ZSCAN5C: variants seen among roughly 807,000 people sequenced by gnomAD.
ZSCAN5C encodes zinc finger and SCAN domain containing 5C.
Under a neutral mutation model 17.3 loss-of-function variants are expected in ZSCAN5C, and 11 were observed. The ratio of observed to expected loss-of-function variants is 0.64; its 90% CI spans 0.40 to 1.06. ZSCAN5C has a LOEUF of 1.06. Among genes scored for constraint, ZSCAN5C ranks in the 50% least tolerant of loss-of-function variants. The probability of loss-of-function intolerance (pLI) is 0.00; values close to 1 mark genes in which losing one functional copy is unlikely to be tolerated. For synonymous variants in ZSCAN5C, 229 were observed against 208.4 expected (o/e 1.10, Z -0.85); for missense variants, 698 against 538.9 (o/e 1.30, Z -2.92).
chr19:56,204,760 A>G (rs904966236), intron 1 of ZSCAN5C, among the ~76,000 whole-genome samples: 11 of 151,868 alleles, frequency 7.2e-5, no homozygotes, highest in Admixed American at 4.6e-4. Flanking sequence ...GACTTTTCCC[A>G]AGACCCTCCT....
At chr19:56,203,496 A>G (rs1326604239) in intron 1 of ZSCAN5C, among the ~76,000 whole-genome samples, 2 of 151,786 alleles carry the variant, frequency 1.3e-5, no homozygotes, top group Non-Finnish European at 2.9e-5. Context: ...CATTGTTATG[A>G]ACTGAAGTCA....
chr19:56,203,640 A>ATTTTTTTTTTTTTT (rs564406569), intron 1 of ZSCAN5C, among the ~76,000 whole-genome samples: 1 of 86,816 alleles, frequency 1.2e-5, no homozygotes, highest in Non-Finnish European at 2.1e-5. Context: ...TCTACTGGGA[A>ATTTTTTTTTTTTTT]TTTTTTTTTT....
chr19:56,207,311 G>T (rs2032934388), intron 3 of ZSCAN5C, 49 bp downstream of exon 3: 1 of 719,384 alleles, frequency 1.4e-6, no homozygotes, highest in Non-Finnish European at 2.6e-6. Context: ...AGAAGGAACG[G>T]GAGGAAATCG....
intron 3 of ZSCAN5C, 47 bp downstream of exon 3, chr19:56,207,309 C>G (rs745404541): frequency 5.5e-6 from 4 of 726,018 alleles, no homozygotes; most frequent in Non-Finnish European, 1.0e-5. Flanking sequence ...GGAGAAGGAA[C>G]GGGAGGAAAT....
At chr19:56,208,578 A>G (rs1187912472) in exon 5 of ZSCAN5C, 1 of 1,594,586 alleles carries the variant, frequency 6.3e-7, no homozygotes, top group Admixed American at 1.7e-5. Flanking sequence ...AGCAGAGGAG[A>G]CGCTCTGAAT....
chr19:56,205,955 C>G (rs2032915428), exon 2 of ZSCAN5C: 1 of 1,414,666 alleles, frequency 7.1e-7, no homozygotes, highest in African/African-American at 1.4e-5. Flanking sequence ...TAGGAGAATC[C>G]TGCAACAGCC....
At position 56,204,583 on chromosome 19, in the gene ZSCAN5C, C is replaced by T. The variant is rs2032902044; in HGVS notation, c.-127-1204C>T. ...TCTCGCTCTGGAGGAGTTTGAGTTG[C>T]TTATGTTTTGCACAGGAGCCCCGTG... On this transcript the variant is annotated intron_variant, in intron 1 of 4. Coordinates refer to ENST00000534327, the Ensembl canonical transcript of ZSCAN5C. 1.3e-5 allele frequency among the ~76,000 whole-genome samples: 2 copies of T among 151,680 alleles called. 1 individual carries two copies. Among genetic ancestry groups the T allele is most frequent in the African/African-American group, 4.9e-5 (2 of 40,954 alleles).
intron 1 of ZSCAN5C, among the ~76,000 whole-genome samples, chr19:56,203,707 T>C (rs1338648842): frequency 1.4e-5 from 2 of 143,610 alleles, no homozygotes; most frequent in East Asian, 4.3e-4. Context: ...TGGAGTGCAA[T>C]GGCGCGATCT....
intron 3 of ZSCAN5C, among the ~76,000 whole-genome samples, chr19:56,207,562 TC>T (rs1447410287): frequency 3.3e-5 from 5 of 151,760 alleles, no homozygotes; most frequent in African/African-American, 1.2e-4. Flanking sequence ...CCATCCAGTT[TC>T]CTCAAAGACA....
chr19:56,204,481 C>T, intron 1 of ZSCAN5C, among the ~76,000 whole-genome samples: 1 of 151,666 alleles, frequency 6.6e-6, no homozygotes, highest in Non-Finnish European at 1.5e-5. Context: ...GCACCTTTTC[C>T]TAGACCTGCT....
intron 1 of ZSCAN5C, among the ~76,000 whole-genome samples, chr19:56,203,843 T>C (rs1358870942): frequency 4.6e-5 from 7 of 151,592 alleles, no homozygotes; most frequent in Non-Finnish European, 1.0e-4. Flanking sequence ...CAGACGGGGT[T>C]TCTCCATGTT....
rs773462528 is a variant in ZSCAN5C, at chr19:56,206,308, C to A, written c.384+11C>A. On this transcript the variant is annotated intron_variant, in intron 2 of 4. Transcript: ENST00000534327. ...AGACCCAAGAAATGGGTGAGTGGGA[C>A]CCTCGTGATTGGTGCAGGGAAGGGG... The A allele has an allele frequency of 4.1e-5, 62 of 1,505,062 alleles. 1 individual carries two copies. The African/African-American group carries it at 4.6e-4, about 11-fold the overall frequency. The allele number at this position is 1,505,062 out of a possible 1,614,324, so 93.2% of individuals were successfully genotyped here.
chr19:56,204,201 G>A (rs927988688), intron 1 of ZSCAN5C, among the ~76,000 whole-genome samples: 19 of 151,212 alleles, frequency 1.3e-4, no homozygotes, highest in Non-Finnish European at 1.6e-4. Flanking sequence ...TGGAGTCCAC[G>A]TCCTGATTTC....
At chr19:56,206,081 G>C (rs540989851) in exon 2 of ZSCAN5C, 213 of 1,611,160 alleles carry the variant, frequency 1.3e-4, no homozygotes, top group Non-Finnish European at 1.7e-4. Context: ...CGAAGGAGTC[G>C]GACCCCATCC....
At position 56,206,426 on chromosome 19, in the gene ZSCAN5C, A is replaced by G. The variant is rs188125990; in HGVS notation, c.384+129A>G. 1.9e-3 allele frequency: 2,589 copies of G among 1,372,520 alleles called. 6 individuals are homozygous for G. The African/African-American group carries it at 0.034, about 18-fold the overall frequency. The allele number at this position is 1,372,520 out of a possible 1,614,324, so 85.0% of individuals were successfully genotyped here. On this transcript the variant is annotated intron_variant, in intron 2 of 4. Transcript: ENST00000534327. ...CTTCCAAGTAGAGGAGAGTTTGCCCATCAGGGACACATGGCAGTGTCTGGG... is the reference window on the plus strand; with the variant it reads ...CTTCCAAGTAGAGGAGAGTTTGCCCGTCAGGGACACATGGCAGTGTCTGGG...
exon 2 of ZSCAN5C, chr19:56,205,909 T>C (rs1304169144): frequency 9.0e-7 from 1 of 1,110,314 alleles, no homozygotes; most frequent in Non-Finnish European, 1.4e-6. Context: ...TATTCCCCAG[T>C]AGACATGGCT....
At chr19:56,207,955 C>T (rs1246481984) in intron 3 of ZSCAN5C, 79 bp from the exon 4 acceptor site, 7 of 649,090 alleles carry the variant, frequency 1.1e-5, no homozygotes, top group African/African-American at 1.8e-5. Flanking sequence ...AGAGTTGGTG[C>T]ATCCAGTCAG....
At position 56,209,146 on chromosome 19, in the gene ZSCAN5C, G is replaced by T. The variant is rs750775291; in HGVS notation, c.1437G>T (p.Arg479=). 28 of 1,404,764 alleles carry T rather than the reference G, an allele frequency of 2.0e-5. No individual in the cohort carries two copies. The South Asian group carries it at 2.0e-4, about 10-fold the overall frequency. 87.0% of individuals were successfully genotyped at this position (1,404,764 alleles called of 1,614,324 possible). The change falls in exon 5 of 5, where the codon CGG becomes CGT. Residue 479 remains arginine (R), a synonymous_variant. Transcript: ENST00000534327. ...CCAAGTGTCCAAGAGCCTTCGGTCG[G>T]CCGGCGACCTTAAGACGCCACCAGA...
chr19:56,207,848 C>A (rs1011300677), intron 3 of ZSCAN5C, among the ~76,000 whole-genome samples, 186 bp from the exon 4 acceptor site: 1 of 151,878 alleles, frequency 6.6e-6, no homozygotes, highest in East Asian at 1.9e-4. Flanking sequence ...TAGAGTCATG[C>A]TCCTTCCAGC....
Sources: allele counts gnomAD v4.1 joint callset (sites outside exome capture counted in the v4.1 genomes callset), GRCh38; gene constraint gnomAD v4.1.1; transcripts MANE v1.5; gene names NCBI Gene and HGNC (gene_info 2026-07-23, HGNC 2026-07-21).